Variants in ADAMTS7 observed in about 807,000 individuals in gnomAD.
ADAMTS7 encodes A disintegrin and metalloproteinase with thrombospondin motifs 7.
In ADAMTS7, 89 loss-of-function variants were observed where a neutral mutation model predicts 172.6. The observed-to-expected ratio is 0.52, with a 90% CI of 0.43 to 0.61. ADAMTS7 has a LOEUF of 0.61. Among genes scored for constraint, ADAMTS7 ranks in the 20% least tolerant of loss-of-function variants. The pLI is 0.00. For missense variants in ADAMTS7, 1,973 were observed against 2,355.6 expected (o/e 0.84, Z 3.36); for synonymous variants, 885 against 978.4 (o/e 0.90, Z 1.78).
intron 19 of ADAMTS7, 78 bp downstream of exon 19, chr15:78,765,567 C>T (rs1168241978): frequency 1.3e-6 from 2 of 1,591,874 alleles, no homozygotes; most frequent in Admixed American, 1.7e-5. Flanking sequence ...CTGTGTCCCA[C>T]TCTGCTCATT....
At chr15:78,774,935 TGG>T (rs1286318201) in intron 11 of ADAMTS7, 142 bp from the exon 12 acceptor site, 2 of 1,075,714 alleles carry the variant, frequency 1.9e-6, no homozygotes, top group African/African-American at 3.2e-5. Context: ...TCCCCTCCCT[TGG>T]GCTGCCCACC....
intron 1 of ADAMTS7, among the ~76,000 whole-genome samples, chr15:78,809,467 C>A (rs1230382967): frequency 1.3e-5 from 2 of 152,140 alleles, no homozygotes; most frequent in Non-Finnish European, 2.9e-5. Context: ...GGAGAGAGTG[C>A]CTGGCCTGCC....
chr15:78,811,094 G>A (rs959772811), intron 1 of ADAMTS7, 27 bp downstream of exon 1: 3 of 1,229,782 alleles, frequency 2.4e-6, no homozygotes, highest in East Asian at 6.3e-5. Context: ...GGCAGGCCCG[G>A]CTGGCCGGGG....
At chr15:78,759,633 C>A in intron 23 of ADAMTS7, 55 bp from the exon 24 acceptor site, 1 of 1,489,290 alleles carries the variant, frequency 6.7e-7, no homozygotes, top group South Asian at 1.3e-5. Flanking sequence ...TACCCAGAAC[C>A]TGGCTCCCTA....
intron 8 of ADAMTS7, among the ~76,000 whole-genome samples, chr15:78,778,323 A>G (rs1299358643): frequency 6.6e-6 from 1 of 152,242 alleles, no homozygotes; most frequent in Non-Finnish European, 1.5e-5. Flanking sequence ...GCATGGAAGC[A>G]GGGACCCTGG....
chr15:78,796,668 C>A lies in ADAMTS7; in HGVS notation c.741G>T (p.Leu247=). The A allele has an allele frequency of 6.2e-7, 1 of 1,614,130 alleles. No individual in the cohort carries two copies. The highest frequency in any genetic ancestry group is 1.3e-5 in the African/African-American group (1 of 75,060). The change falls in exon 4 of 24, where the codon CTG becomes CTT. Residue 247 remains leucine, a synonymous_variant. Transcript: ENST00000388820. The part of the protein sequence containing the change: ...SVSKEKWVET[L]VVADAKMVEY... The stretch of plus-strand genomic sequence containing the variant: ...CCACCATTTTGGCATCAGCTACTAC[C>A]AGGGTCTCCACCCACTTCTCTTTGC...
At position 78,774,244 on chromosome 15, in the gene ADAMTS7, G is replaced by A. The variant is rs774952513; in HGVS notation, c.1933C>T (p.Arg645Trp). The stretch of plus-strand genomic sequence containing the variant: ...GGGGTGCCATCGACCACGGCGTCCC[G>A]CAGCTTCTCGGCAAAGTACTCATTC... ...PANEYFAEKLRDAVVDGTPCY... is the reference protein window; with the variant it reads ...PANEYFAEKLWDAVVDGTPCY... Residue 645 changes from arginine (R) to tryptophan (W), a missense_variant, in exon 13 of 24, where the codon CGG becomes TGG. By Grantham distance (101) the Arg-to-Trp change is moderately radical. Coordinates refer to ENST00000388820, the MANE Select transcript of ADAMTS7 (RefSeq NM_014272.5). The A allele has an allele frequency of 5.7e-6, 9 of 1,582,472 alleles. No individual in the cohort carries two copies. Among genetic ancestry groups the A allele is most frequent in the South Asian group, 1.1e-5 (1 of 88,310 alleles).
chr15:78,791,575 C>T (rs1435508910), intron 4 of ADAMTS7, among the ~76,000 whole-genome samples: 1 of 152,210 alleles, frequency 6.6e-6, no homozygotes, highest in Non-Finnish European at 1.5e-5. Flanking sequence ...GCAGCTCAGA[C>T]CTCCAAATTC....
At chr15:78,768,047 A>ATGGGGGTGGGGAGTTGGCGGGGGC in intron 17 of ADAMTS7, 86 bp downstream of exon 17, 1 of 516,720 alleles carries the variant, frequency 1.9e-6, no homozygotes, top group Non-Finnish European at 3.1e-6. Flanking sequence ...TTGGCGGGGG[A>ATGGGGGTGGGGAGTTGGCGGGGGC]TGGGGTGGGG....
Position 78,764,056 on chromosome 15 carries a change from T to C in ADAMTS7, c.4463A>G (p.Gln1488Arg), listed in dbSNP as rs749040886. 5.2e-6 allele frequency: 8 copies of C among 1,537,922 alleles called. No individual in the cohort carries two copies. Among genetic ancestry groups the C allele is most frequent in the Non-Finnish European group, 6.1e-6 (7 of 1,140,486 alleles). Reference sequence around the variant, plus strand: ...CCGGAGGTCCCGTGTGTCCACACACTGCACGTCCCGCACTGAGGAACCTCC... The same window carrying C: ...CCGGAGGTCCCGTGTGTCCACACACCGCACGTCCCGCACTGAGGAACCTCC... ...CGGGSSVRDVQCVDTRDLRPL... is the reference protein window; with the variant it reads ...CGGGSSVRDVRCVDTRDLRPL... The change falls in exon 21 of 24, where the codon CAG becomes CGG. Residue 1488 changes from glutamine (Q) to arginine (R), a missense_variant. Gln to Arg is a conservative substitution (Grantham distance 43). Coordinates refer to ENST00000388820, the MANE Select transcript of ADAMTS7 (RefSeq NM_014272.5).
chr15:78,794,784 C>T (rs1008772644), intron 4 of ADAMTS7, among the ~76,000 whole-genome samples: 1 of 152,206 alleles, frequency 6.6e-6, no homozygotes, highest in African/African-American at 2.4e-5. Flanking sequence ...GTGGCACGAT[C>T]TCAGCTCACT....
In ADAMTS7 at chr15:78,768,141, G is replaced by A; in HGVS notation, c.2637C>T (p.Cys879=). Residue 879 remains cysteine, a synonymous_variant, in exon 17 of 24, where the codon TGC becomes TGT. Coordinates refer to ENST00000388820, the MANE Select transcript of ADAMTS7 (RefSeq NM_014272.5). ...GATGGGGGCGGGCTCACCTGGCAGG[G>A]CAGGGCTGCTCGCTGCACTTCCTCT... ...DQQRKCSEQP[C]PARWWAGEWQ... 1 of 1,574,928 alleles carries A rather than the reference G, an allele frequency of 6.3e-7. No homozygotes were observed.
intron 11 of ADAMTS7, among the ~76,000 whole-genome samples, chr15:78,775,608 C>T (rs1266564023): frequency 6.6e-6 from 1 of 152,014 alleles, no homozygotes; most frequent in Non-Finnish European, 1.5e-5. Context: ...AAGTCGCTCA[C>T]GTCAGGCCAC....
In ADAMTS7 at chr15:78,771,472, G is replaced by A. The variant is rs3825810; in HGVS notation, c.2376+113C>T. 1.3e-6 allele frequency: 2 copies of A among 1,538,242 alleles called. No individual in the cohort carries two copies. The highest frequency in any genetic ancestry group is 1.9e-5 in the Admixed American group (1 of 51,342). On this transcript the variant is annotated intron_variant, in intron 15 of 23. Coordinates refer to ENST00000388820, the MANE Select transcript of ADAMTS7 (RefSeq NM_014272.5). This position sits in a 1 kb window ranked among gnomAD's most constrained non-coding sequence, Gnocchi z 4.9. ...AGCAGGAGGGCCTGGCTCAGAGCCA[G>A]GCTCTGTGACTGAACCAGGGCTCAC...
At chr15:78,763,067 C>T (rs2055075151) in intron 22 of ADAMTS7, among the ~76,000 whole-genome samples, 1 of 152,216 alleles carries the variant, frequency 6.6e-6, no homozygotes, top group Admixed American at 6.5e-5. Flanking sequence ...CAGTGTCATG[C>T]TGTGCCCGGC....
At chr15:78,792,097 CCAAA>C (rs1361869859) in intron 4 of ADAMTS7, among the ~76,000 whole-genome samples, 5 of 152,198 alleles carry the variant, frequency 3.3e-5, no homozygotes, top group Non-Finnish European at 7.3e-5. Flanking sequence ...TAGCAAGGAA[CCAAA>C]CAAACACTGT....
chr15:78,787,963 T>TCGC (rs1310044898), intron 8 of ADAMTS7, among the ~76,000 whole-genome samples: 1 of 152,056 alleles, frequency 6.6e-6, no homozygotes, highest in African/African-American at 2.4e-5. Flanking sequence ...GTGTGAATTC[T>TCGC]TGCTCCTCCT....
In ADAMTS7 at chr15:78,810,183, C is replaced by T. The variant is rs567370654; in HGVS notation, c.100+938G>A. On this transcript the variant is annotated intron_variant, in intron 1 of 23. Transcript: ENST00000388820. ...CCAGGGGAGGGCCCCACTCCCTCCA[C>T]GCCCTTCTAGCTCATCCAGAATCCA... 4.2e-3 allele frequency among the ~76,000 whole-genome samples: 635 copies of T among 152,374 alleles called. 2 individuals carry two copies. The highest frequency in any genetic ancestry group is 0.014 in the African/African-American group (584 of 41,600).
chr15:78,803,962 A>G (rs2055757797), intron 1 of ADAMTS7, among the ~76,000 whole-genome samples: 1 of 152,194 alleles, frequency 6.6e-6, no homozygotes, highest in Non-Finnish European at 1.5e-5. Context: ...TTCCCATTCA[A>G]GTTCACGGAT....
Sources: allele counts gnomAD v4.1 joint callset (sites outside exome capture counted in the v4.1 genomes callset), GRCh38; gene constraint gnomAD v4.1.1; non-coding constraint Gnocchi (gnomAD v3.1); transcripts MANE v1.5; gene names NCBI Gene and HGNC (gene_info 2026-07-23, HGNC 2026-07-21).